The following KDM4C variants were observed in gnomAD, a reference collection of about 807,000 sequenced individuals.
KDM4C encodes the protein lysine demethylase 4C, also known as lysine-specific demethylase 4C.
A neutral mutation model predicts 129.3 loss-of-function variants in KDM4C; 81 were observed. The ratio of observed to expected loss-of-function variants is 0.63; its 90% confidence interval spans 0.52 to 0.75. KDM4C has a LOEUF of 0.75. Ranked by LOEUF, KDM4C falls within the 30% of genes least tolerant of loss-of-function variation. The pLI is 0.00. For synonymous variants in KDM4C, 573 were observed against 456.1 expected, an observed-to-expected ratio of 1.26 and a Z score of -3.26; for missense variants, 1,457 against 1,304.0, an observed-to-expected ratio of 1.12 and a Z score of -1.81.
intron 8 of KDM4C, among the ~76,000 whole-genome samples, chr9:6,934,267 G>C (rs959816929): frequency 1.3e-5 from 2 of 151,836 alleles, no homozygotes; most frequent in African/African-American, 4.8e-5. Flanking sequence ...TGATCATGAA[G>C]TCAGGAGATT....
intron 12 of KDM4C, among the ~76,000 whole-genome samples, chr9:6,999,337 AT>A (rs142835684): frequency 0.19 from 23,573 of 125,968 alleles, 3,091 homozygotes; most frequent in South Asian, 0.37. Flanking sequence ...GAAATTACAA[AT>A]TTTTTTAAAG....
intron 15 of KDM4C, among the ~76,000 whole-genome samples, chr9:7,031,812 A>G (rs1429316922): frequency 3.9e-5 from 6 of 152,154 alleles, no homozygotes; most frequent in African/African-American, 7.2e-5. Flanking sequence ...TCTGAACCAA[A>G]GTGAAGTCAT....
intron 1 of KDM4C, among the ~76,000 whole-genome samples, chr9:6,747,003 C>CAAAAAAAAAAAAAA (rs58512756): frequency 2.0e-5 from 1 of 50,554 alleles, no homozygotes; most frequent in East Asian, 5.2e-4. Flanking sequence ...GACTCCGTCT[C>CAAAAAAAAAAAAAA]AAAAAAAAAA....
intron 11 of KDM4C, chr9:6,986,923 C>G (rs1817821954): frequency 2.4e-6 from 1 of 413,052 alleles, no homozygotes; most frequent in African/African-American, 2.0e-5. Context: ...AAAAATTAAA[C>G]TCTTTACTTT....
chr9:6,883,590 A>G (rs1844804027), intron 6 of KDM4C, among the ~76,000 whole-genome samples: 1 of 152,260 alleles, frequency 6.6e-6, no homozygotes. Flanking sequence ...GGGCAATAAT[A>G]CATGAAATAC....
At chr9:6,866,840 ACTC>A (rs542747155) in intron 5 of KDM4C, among the ~76,000 whole-genome samples, 18 of 145,580 alleles carry the variant, frequency 1.2e-4, no homozygotes, top group Admixed American at 5.5e-4. Context: ...CTGGGATCTG[ACTC>A]CTCCTCATAT....
intron 8 of KDM4C, among the ~76,000 whole-genome samples, chr9:6,945,999 T>A (rs1166895742): frequency 6.6e-6 from 1 of 152,152 alleles, no homozygotes; most frequent in African/African-American, 2.4e-5. Flanking sequence ...AGAATTCAGT[T>A]GTGGTAAATG....
chr9:7,118,683 G>A (rs1839178571), intron 18 of KDM4C, among the ~76,000 whole-genome samples: 1 of 152,180 alleles, frequency 6.6e-6, no homozygotes, highest in Non-Finnish European at 1.5e-5. Flanking sequence ...TGGCCTGTAC[G>A]TCGGCTAAGT....
At chr9:6,997,393 GAAAC>G (rs1368321584) in intron 12 of KDM4C, among the ~76,000 whole-genome samples, 1 of 152,140 alleles carries the variant, frequency 6.6e-6, no homozygotes, top group Non-Finnish European at 1.5e-5. Context: ...ACAAAATCCA[GAAAC>G]AAACAAAAAC....
chr9:6,762,198 A>G (rs1819687061), intron 1 of KDM4C, among the ~76,000 whole-genome samples: 1 of 152,112 alleles, frequency 6.6e-6, no homozygotes, highest in South Asian at 2.1e-4. Flanking sequence ...TGCTGCACTG[A>G]TCAACTCGTT....
chr9:6,761,860 G>A (rs1819594756), intron 1 of KDM4C, among the ~76,000 whole-genome samples: 1 of 152,012 alleles, frequency 6.6e-6, no homozygotes, highest in East Asian at 1.9e-4. Flanking sequence ...CGCCCAGGCT[G>A]GAGTGCAGTG....
At chr9:6,868,899 T>C (rs1344657063) in intron 5 of KDM4C, among the ~76,000 whole-genome samples, 4 of 152,166 alleles carry the variant, frequency 2.6e-5, no homozygotes, top group African/African-American at 9.7e-5. Flanking sequence ...AAAAATAGTG[T>C]GTAAAACACT....
intron 17 of KDM4C, among the ~76,000 whole-genome samples, chr9:7,058,416 A>G (rs1363686643): frequency 6.6e-6 from 1 of 152,214 alleles, no homozygotes; most frequent in Admixed American, 6.5e-5. Context: ...GTGTTTGCAC[A>G]TTTCATTGGT....
chr9:6,925,132 T>C, intron 8 of KDM4C: 1 of 985,468 alleles, frequency 1.0e-6, no homozygotes, highest in South Asian at 4.7e-5. Flanking sequence ...AACTCTTTCA[T>C]GGATGCCAAG....
intron 19 of KDM4C, among the ~76,000 whole-genome samples, chr9:7,129,422 T>C (rs1191881933): frequency 7.2e-5 from 11 of 152,148 alleles, no homozygotes. Flanking sequence ...GAACAGTGAA[T>C]TGTGTTTCTT....
At chr9:7,077,015 C>T in intron 17 of KDM4C, 2 of 985,510 alleles carry the variant, frequency 2.0e-6, no homozygotes, top group Non-Finnish European at 2.4e-6. Context: ...AGCCTGAATC[C>T]TTCCTTCTTG....
At chr9:7,066,922 A>G (rs1832501827) in intron 17 of KDM4C, among the ~76,000 whole-genome samples, 1 of 152,244 alleles carries the variant, frequency 6.6e-6, no homozygotes, top group East Asian at 1.9e-4. Context: ...TTTTTTGTAT[A>G]AGAATATGAA....
chr9:6,835,308 T>C (rs1209935829), intron 4 of KDM4C: 3 of 912,450 alleles, frequency 3.3e-6, no homozygotes, highest in Non-Finnish European at 5.6e-6. Context: ...TGAAGTGTGA[T>C]GTGGACATCC....
intron 18 of KDM4C, among the ~76,000 whole-genome samples, chr9:7,122,265 A>ACACACTCTCTCTCT (rs375655422): frequency 6.9e-5 from 10 of 144,818 alleles, no homozygotes; most frequent in African/African-American, 2.6e-4. Context: ...ACACACACAC[A>ACACACTCTCTCTCT]CTCTCTCTCT....
Sources: gnomAD v4.1 joint callset for allele counts (sites outside exome capture counted in the v4.1 genomes callset) on GRCh38, gnomAD v4.1.1 for gene constraint, MANE v1.5 for transcripts, NCBI Gene and HGNC (gene_info 2026-07-23, HGNC 2026-07-21) for gene names.